The following CDH22 variants were observed in gnomAD, a reference collection of about 807,000 sequenced individuals.
CDH22 encodes the protein cadherin 22.
Under a neutral mutation model 58.4 loss-of-function variants are expected in CDH22, and 30 were observed. The observed-to-expected ratio is 0.51, with a 90% CI of 0.38 to 0.70. The LOEUF is 0.70. Ranked by LOEUF, CDH22 falls within the 30% of genes least tolerant of loss-of-function variation. The probability of loss-of-function intolerance (pLI) is 0.00; values close to 1 mark genes in which losing one functional copy is unlikely to be tolerated. For synonymous variants in CDH22, 513 were observed against 558.2 expected, an observed-to-expected ratio of 0.92 and a Z score of 1.14; for missense variants, 1,014 against 1,233.9, an observed-to-expected ratio of 0.82 and a Z score of 2.67.
intron 10 of CDH22, among the ~76,000 whole-genome samples, chr20:46,178,586 C>CTTTTTTTTTTTTTTTTTTTTTTTTTTTTT (rs33937889): frequency 3.1e-5 from 3 of 95,374 alleles, no homozygotes; most frequent in African/African-American, 8.3e-5. Flanking sequence ...CTGGCGTTGT[C>CTTTTTTTTTTTTTTTTTTTTTTTTTTTTT]TTTTTTTTTT....
chr20:46,228,693 G>T (rs1051193054), intron 3 of CDH22, among the ~76,000 whole-genome samples: 1 of 152,150 alleles, frequency 6.6e-6, no homozygotes, highest in African/African-American at 2.4e-5. Context: ...GACCCAAAGG[G>T]AAGGAGATGG....
At chr20:46,184,480 C>T (rs1274897339) in intron 10 of CDH22, among the ~76,000 whole-genome samples, 3 of 152,144 alleles carry the variant, frequency 2.0e-5, no homozygotes, top group African/African-American at 7.2e-5. Context: ...TAGGGTTGAA[C>T]AAAGTCAAGT....
intron 3 of CDH22, among the ~76,000 whole-genome samples, chr20:46,238,839 C>A (rs2086271365): frequency 6.6e-6 from 1 of 152,252 alleles, no homozygotes; most frequent in Non-Finnish European, 1.5e-5. Context: ...TTCTGCCCAT[C>A]TATTCTTCAT....
chr20:46,174,936 G>A lies in CDH22; in HGVS notation c.2057C>T (p.Ser686Leu), dbSNP rs1258209910. Residue 686 changes from serine to leucine, a missense_variant, in exon 12 of 12, where the codon TCG becomes TTG. Physicochemically the swap from Ser to Leu is moderately radical, Grantham distance 145 (BLOSUM62 -2). This residue lies in a region of CDH22 where 806 missense variants were observed against 1,038.7 expected (regional missense o/e 0.78). Transcript: ENST00000537909. The surrounding 1 kb of genome is among the most constrained non-coding windows in gnomAD (Gnocchi z 4.4). ...GEQDTEAYDM[S>L]ALRSLYDFGE... ...GAAGTCGTAGAGGCTCCGCAGCGCC[G>A]ACATGTCGTAGGCTTCGGTGTCCTG... 4.1e-6 allele frequency: 6 copies of A among 1,477,162 alleles called. No homozygotes were observed. Among genetic ancestry groups the A allele is most frequent in the East Asian group, 3.2e-5 (1 of 31,646 alleles). 91.5% of individuals were successfully genotyped at this position (1,477,162 alleles called of 1,614,324 possible).
In CDH22 at chr20:46,292,342, C is replaced by T. The variant is rs1442152945; in HGVS notation, c.-400+15913G>A. 3.3e-5 allele frequency among the ~76,000 whole-genome samples: 5 copies of T among 152,318 alleles called. No individual in the cohort carries two copies. The South Asian group carries it at 6.2e-4, about 19-fold the overall frequency. On this transcript the variant is annotated intron_variant, in intron 1 of 11. Transcript: ENST00000537909. ...TCTCCAGCTGAGCTGAGGTGGGGTT[C>T]GCTCTGCTCCTAGCTGTGGCACTAG...
intron 5 of CDH22, among the ~76,000 whole-genome samples, chr20:46,214,800 TC>T (rs773418685): frequency 6.6e-6 from 1 of 152,242 alleles, no homozygotes; most frequent in Non-Finnish European, 1.5e-5. Flanking sequence ...CCCAAGCTTA[TC>T]CCATTGTTAG....
chr20:46,252,780 T>C (rs2425806), intron 1 of CDH22, among the ~76,000 whole-genome samples: 9,390 of 152,276 alleles, frequency 0.062, 378 homozygotes, highest in Non-Finnish European at 0.09. Context: ...ACCCTTCTTA[T>C]AACAACCTAA....
intron 1 of CDH22, among the ~76,000 whole-genome samples, chr20:46,270,637 G>A (rs1441796986): frequency 6.6e-6 from 1 of 152,146 alleles, no homozygotes. Context: ...GGTGTTGAAG[G>A]AAATGGAGTT....
In CDH22 at chr20:46,216,223, G is replaced by A. The variant is rs972242807; in HGVS notation, c.838+603C>T. 2.0e-5 allele frequency among the ~76,000 whole-genome samples: 3 copies of A among 152,216 alleles called. No individual in the cohort carries two copies. Among genetic ancestry groups the A allele is most frequent in the Non-Finnish European group, 2.9e-5 (2 of 68,030 alleles). On this transcript the variant is annotated intron_variant, in intron 5 of 11. Transcript: ENST00000537909. This position sits in a 1 kb window ranked among gnomAD's most constrained non-coding sequence, Gnocchi z 5.3. ...TGATAGGGAGCTGGGAGGCTGGGCC[G>A]GAGACATCCCCCAACCCCCGCTGTG...
intron 2 of CDH22, among the ~76,000 whole-genome samples, chr20:46,250,559 G>A (rs550694757): frequency 1.3e-5 from 2 of 152,280 alleles, no homozygotes; most frequent in East Asian, 3.9e-4. Context: ...GAGTGTGCAT[G>A]GGACGTTGAC....
Position 46,210,629 on chromosome 20 carries a change from G to A in CDH22, c.1033-69C>T. Reference sequence around the variant, plus strand: ...GGACACTGAGGCCTTCACGAGGGAGGCCAAGGCAGGCGGGGTTGGCCCAAG... The same window carrying A: ...GGACACTGAGGCCTTCACGAGGGAGACCAAGGCAGGCGGGGTTGGCCCAAG... On this transcript the variant is annotated intron_variant, in intron 6 of 11. Transcript: ENST00000537909. This position sits in a 1 kb window ranked among gnomAD's most constrained non-coding sequence, Gnocchi z 4.5. 7.3e-7 allele frequency: 1 copy of A among 1,364,226 alleles called. No homozygotes were observed. Among genetic ancestry groups the A allele is most frequent in the Non-Finnish European group, 9.6e-7 (1 of 1,043,864 alleles). The allele number at this position is 1,364,226 out of a possible 1,614,324, so 84.5% of individuals were successfully genotyped here.
At position 46,210,787 on chromosome 20, in the gene CDH22, C is replaced by T. The variant is rs1467821902; in HGVS notation, c.1033-227G>A. Among the ~76,000 whole-genome samples, 1 of 152,212 alleles carries T rather than the reference C, an allele frequency of 6.6e-6. No individual in the cohort carries two copies. Among genetic ancestry groups the T allele is most frequent in the Non-Finnish European group, 1.5e-5 (1 of 68,038 alleles). ...ACAGTCTTGCCTAAGGACACAGCCACTCCAGGCTAACGCGCTGAGCACCCA... is the reference window on the plus strand; with the variant it reads ...ACAGTCTTGCCTAAGGACACAGCCATTCCAGGCTAACGCGCTGAGCACCCA... On this transcript the variant is annotated intron_variant, in intron 6 of 11. Transcript: ENST00000537909. The surrounding 1 kb of genome is among the most constrained non-coding windows in gnomAD (Gnocchi z 4.5).
intron 1 of CDH22, among the ~76,000 whole-genome samples, chr20:46,276,650 C>T (rs1568681240): frequency 6.6e-6 from 1 of 152,218 alleles, no homozygotes; most frequent in Non-Finnish European, 1.5e-5. Context: ...TGAGGCTCCA[C>T]AAACATAAGT....
At position 46,210,211 on chromosome 20, in the gene CDH22, C is replaced by T. The variant is rs1049748650; in HGVS notation, c.1286+96G>A. 1.6e-6 allele frequency: 2 copies of T among 1,250,204 alleles called. No individual in the cohort carries two copies. Among genetic ancestry groups the T allele is most frequent in the Non-Finnish European group, 2.1e-6 (2 of 973,518 alleles). 77.4% of individuals were successfully genotyped at this position (1,250,204 alleles called of 1,614,324 possible). A position where few individuals can be genotyped will look rare whatever the true frequency, so the allele number is the denominator to read the frequency against. On this transcript the variant is annotated intron_variant, in intron 7 of 11. Transcript: ENST00000537909. This position sits in a 1 kb window ranked among gnomAD's most constrained non-coding sequence, Gnocchi z 4.5. Reference sequence around the variant, plus strand: ...CACGCAGCCCCTTCCTTCGGCCCTGCCCGCCCCAGCCCTCCTCCCCTCTGC... The same window carrying T: ...CACGCAGCCCCTTCCTTCGGCCCTGTCCGCCCCAGCCCTCCTCCCCTCTGC...
chr20:46,243,288 T>C (rs2086305205), intron 2 of CDH22, among the ~76,000 whole-genome samples: 2 of 152,366 alleles, frequency 1.3e-5, no homozygotes, highest in Middle Eastern at 3.4e-3. Context: ...AAGTGCCATT[T>C]GGAAGATTGA....
intron 7 of CDH22, among the ~76,000 whole-genome samples, chr20:46,205,036 A>G (rs556086576): frequency 1.3e-5 from 2 of 151,856 alleles, no homozygotes; most frequent in Non-Finnish European, 2.9e-5. Context: ...GTAGTTCGGG[A>G]GCCTCTTCCA....
intron 4 of CDH22, among the ~76,000 whole-genome samples, chr20:46,226,243 T>TCTTCTC (rs1432949548): frequency 2.2e-4 from 2 of 8,940 alleles, no homozygotes; most frequent in Non-Finnish European, 4.4e-4. Context: ...TTCTTCTTCT[T>TCTTCTC]CTTCTTCTTC....
intron 3 of CDH22, 36 bp downstream of exon 3, chr20:46,240,927 T>C: frequency 6.3e-7 from 1 of 1,582,362 alleles, no homozygotes; most frequent in Non-Finnish European, 8.6e-7. Context: ...GGGATCACCT[T>C]GATCCCATCC....
In CDH22 at chr20:46,216,545, C is replaced by T. The variant is rs2086086460; in HGVS notation, c.838+281G>A. 1.3e-5 allele frequency among the ~76,000 whole-genome samples: 2 copies of T among 152,094 alleles called. No homozygotes were observed. The highest frequency in any genetic ancestry group is 4.8e-5 in the African/African-American group (2 of 41,400). ...GACGGAAGGGTGGATGGGTGGGGCT[C>T]CCCCTCTGCCGGAAGCAAGAGGAGG... On this transcript the variant is annotated intron_variant, in intron 5 of 11. Transcript: ENST00000537909. The surrounding 1 kb of genome is among the most constrained non-coding windows in gnomAD (Gnocchi z 5.3).
Sources: gnomAD v4.1 joint callset for allele counts (sites outside exome capture counted in the v4.1 genomes callset) on GRCh38, gnomAD v4.1.1 for gene constraint, gnomAD v4.1.1 regional missense constraint, Gnocchi (gnomAD v3.1) non-coding constraint, MANE v1.5 for transcripts, NCBI Gene and HGNC (gene_info 2026-07-23, HGNC 2026-07-21) for gene names.